Variants in CREBRF observed in about 807,000 individuals in gnomAD.
CREBRF encodes the protein UPF0474 protein C5orf41.
Under a neutral mutation model 66.1 loss-of-function variants are expected in CREBRF, and 5 were observed. That is an observed-to-expected ratio of 0.08 (90% CI 0.04 to 0.16). CREBRF has a LOEUF of 0.16. Ranked by LOEUF, CREBRF falls within the 10% of genes least tolerant of loss-of-function variation. The probability of loss-of-function intolerance (pLI) is 1.00; values close to 1 mark genes in which losing one functional copy is unlikely to be tolerated. For synonymous variants in CREBRF, 229 were observed against 264.4 expected, an observed-to-expected ratio of 0.87 and a Z score of 1.30; for missense variants, 531 against 744.9, an observed-to-expected ratio of 0.71 and a Z score of 3.34.
chr5:173,090,434 C>T lies in CREBRF; in HGVS notation c.255C>T (p.Thr85=). The T allele has an allele frequency of 6.2e-7, 1 of 1,613,974 alleles. No homozygotes were observed. The highest frequency in any genetic ancestry group is 8.5e-7 in the Non-Finnish European group (1 of 1,179,914). ...TCCTGGATAATGAGGGTGCTTTAAC[C>T]TCAAACTGGGAACAGTGGGATACAT... ...TDVLDNEGAL[T]SNWEQWDTYC... The change falls in exon 4 of 9, where the codon ACC becomes ACT. Residue 85 remains threonine, a synonymous_variant. Coordinates refer to ENST00000296953, the MANE Select transcript of CREBRF (RefSeq NM_153607.3). This position sits in a 1 kb window ranked among gnomAD's most constrained non-coding sequence, Gnocchi z 4.5.
intron 4 of CREBRF, among the ~76,000 whole-genome samples, chr5:173,103,618 C>T (rs559755822): frequency 3.3e-5 from 5 of 152,254 alleles, no homozygotes; most frequent in South Asian, 2.1e-4. Context: ...CAACAGTTCA[C>T]GAGCCTACAA....
intron 1 of CREBRF, among the ~76,000 whole-genome samples, chr5:173,068,889 T>G: frequency 6.7e-6 from 1 of 149,132 alleles, no homozygotes. Context: ...GGCAACATGG[T>G]GAAACCCCAT....
intron 7 of CREBRF, among the ~76,000 whole-genome samples, chr5:173,120,369 TTTTC>T (rs1188375241): frequency 4.6e-5 from 7 of 151,536 alleles, no homozygotes; most frequent in East Asian, 1.9e-4. Flanking sequence ...TGGATTTTCT[TTTTC>T]TTTCTTTCTT....
chr5:173,078,412 C>G (rs1182256308), intron 1 of CREBRF, among the ~76,000 whole-genome samples: 1 of 151,892 alleles, frequency 6.6e-6, no homozygotes, highest in African/African-American at 2.4e-5. Flanking sequence ...CCATCATATA[C>G]AACATCTCCT....
At chr5:173,122,611 A>ATTC (rs1759165970) in intron 7 of CREBRF, among the ~76,000 whole-genome samples, 1 of 131,862 alleles carries the variant, frequency 7.6e-6, no homozygotes, top group African/African-American at 2.8e-5. Flanking sequence ...TATTATTATT[A>ATTC]TTATACTTTA....
intron 4 of CREBRF, among the ~76,000 whole-genome samples, chr5:173,107,817 ATTTTTT>A (rs559120882): frequency 8.2e-6 from 1 of 121,846 alleles, no homozygotes; most frequent in Non-Finnish European, 1.8e-5. Context: ...TCTCTACAAA[ATTTTTT>A]TTTTTTTTTT....
chr5:173,117,634 C>CCTCCTTCT (rs1561814712), intron 7 of CREBRF, among the ~76,000 whole-genome samples: 7 of 78,532 alleles, frequency 8.9e-5, no homozygotes, highest in African/African-American at 2.8e-4. Flanking sequence ...TCCCTCCCTC[C>CCTCCTTCT]CTCCTTCTCT....
At chr5:173,093,474 C>T (rs1758399914) in intron 4 of CREBRF, among the ~76,000 whole-genome samples, 1 of 152,148 alleles carries the variant, frequency 6.6e-6, no homozygotes, top group African/African-American at 2.4e-5. Context: ...GTGGTAAGAA[C>T]ATTTAAGATC....
chr5:173,064,645 A>G (rs1349170154), intron 1 of CREBRF, among the ~76,000 whole-genome samples: 1 of 149,068 alleles, frequency 6.7e-6, no homozygotes, highest in South Asian at 2.1e-4. Flanking sequence ...GCTTACTGCA[A>G]CCTCCACCTC....
intron 2 of CREBRF, 86 bp downstream of exon 2, chr5:173,080,870 A>T (rs1757920214): frequency 7.9e-7 from 1 of 1,262,644 alleles, no homozygotes; most frequent in African/African-American, 1.5e-5. Flanking sequence ...ATCTTAACAC[A>T]ACTTTGCATA....
At chr5:173,096,258 T>C (rs909288453) in intron 4 of CREBRF, among the ~76,000 whole-genome samples, 21 of 152,216 alleles carry the variant, frequency 1.4e-4, no homozygotes, top group South Asian at 4.1e-4. Flanking sequence ...CGTGAGCCAC[T>C]GCGCCCAGCC....
chr5:173,120,385 CTT>C (rs567092558), intron 7 of CREBRF, among the ~76,000 whole-genome samples: 2 of 144,178 alleles, frequency 1.4e-5, no homozygotes, highest in Admixed American at 7.0e-5. Flanking sequence ...TTCTTTCTTT[CTT>C]TTTTTTTTTT....
At chr5:173,096,447 C>G (rs1758478655) in intron 4 of CREBRF, among the ~76,000 whole-genome samples, 1 of 65,130 alleles carries the variant, frequency 1.5e-5, no homozygotes, top group African/African-American at 4.7e-5. Context: ...CTCCCCTCCC[C>G]TCTCCTCCCC....
chr5:173,074,583 C>T (rs954735462), intron 1 of CREBRF, among the ~76,000 whole-genome samples: 1 of 151,342 alleles, frequency 6.6e-6, no homozygotes, highest in African/African-American at 2.4e-5. Context: ...TAATTCACCT[C>T]CCATATTTTA....
At chr5:173,130,576 A>G (rs1038475223) in intron 8 of CREBRF, among the ~76,000 whole-genome samples, 6 of 151,734 alleles carry the variant, frequency 4.0e-5, no homozygotes, top group African/African-American at 9.7e-5. Context: ...CCAGGCTGGA[A>G]TGCAGTGGTG....
At chr5:173,073,980 A>AAATAAATAAATAAAT (rs1757672589) in intron 1 of CREBRF, among the ~76,000 whole-genome samples, 1 of 149,948 alleles carries the variant, frequency 6.7e-6, no homozygotes, top group African/African-American at 2.5e-5. Context: ...ATAAAAAATA[A>AAATAAATAAATAAAT]AAATAAATAA....
chr5:173,082,523 A>G (rs1193212427), intron 2 of CREBRF, among the ~76,000 whole-genome samples: 1 of 152,038 alleles, frequency 6.6e-6, no homozygotes. Flanking sequence ...GAAAGATAGA[A>G]AGTATATGAA....
At chr5:173,057,031 G>A (rs1043914986) in intron 1 of CREBRF, among the ~76,000 whole-genome samples, 4 of 152,096 alleles carry the variant, frequency 2.6e-5, no homozygotes, top group Non-Finnish European at 4.4e-5. Context: ...GTCCGAGCAG[G>A]GCGTCTCGGG....
chr5:173,084,789 C>T (rs1244754357), intron 2 of CREBRF, among the ~76,000 whole-genome samples: 1 of 151,926 alleles, frequency 6.6e-6, no homozygotes. Flanking sequence ...CTGCAGGTGC[C>T]CGCCACCACA....
Sources: gnomAD v4.1 joint callset for allele counts (sites outside exome capture counted in the v4.1 genomes callset) on GRCh38, gnomAD v4.1.1 for gene constraint, Gnocchi (gnomAD v3.1) non-coding constraint, MANE v1.5 for transcripts, NCBI Gene and HGNC (gene_info 2026-07-23, HGNC 2026-07-21) for gene names.